Variants in HESX1 observed in about 807,000 individuals in gnomAD.
The protein encoded by HESX1 is homeobox expressed in ES cells 1.
A neutral mutation model predicts 22.5 loss-of-function variants in HESX1; 11 were observed. The ratio of observed to expected loss-of-function variants is 0.49; its 90% CI spans 0.31 to 0.81. The LOEUF (loss-of-function observed/expected upper bound fraction) is 0.81, where lower values mean the gene tolerates loss of function less well. Among genes scored for constraint, HESX1 ranks in the 30% least tolerant of loss-of-function variants. The pLI is 0.05. For synonymous variants in HESX1, 74 were observed against 76.5 expected (o/e 0.97, Z 0.17); for missense variants, 201 against 212.6 (o/e 0.95, Z 0.34).
intron 1 of HESX1, among the ~76,000 whole-genome samples, chr3:57,207,904 T>C (rs1422811686): frequency 6.6e-6 from 1 of 152,254 alleles, no homozygotes; most frequent in Non-Finnish European, 1.5e-5. Context: ...CTCACTGTTA[T>C]AAACATTTTA....
chr3:57,212,191 G>A (rs957122220), intron 1 of HESX1, among the ~76,000 whole-genome samples: 2 of 152,078 alleles, frequency 1.3e-5, no homozygotes, highest in Non-Finnish European at 2.9e-5. Flanking sequence ...ATAATGTCTT[G>A]TATATATCAA....
chr3:57,211,170 A>T (rs1248297244), intron 1 of HESX1, among the ~76,000 whole-genome samples: 1 of 147,342 alleles, frequency 6.8e-6, no homozygotes, highest in Non-Finnish European at 1.5e-5. Context: ...GTGAGCCAAG[A>T]TCGTGCCATT....
At chr3:57,215,496 C>T (rs998141184) in intron 1 of HESX1, among the ~76,000 whole-genome samples, 1 of 152,132 alleles carries the variant, frequency 6.6e-6, no homozygotes, top group Non-Finnish European at 1.5e-5. Context: ...TGGCCAGGCA[C>T]GGTGGCTCAC....
upstream of HESX1, among the ~76,000 whole-genome samples, chr3:57,201,547 A>C (rs2060486221): frequency 6.6e-6 from 1 of 151,272 alleles, no homozygotes; most frequent in Non-Finnish European, 1.5e-5. Context: ...TAGAGCTCAC[A>C]GTGGTGCAGG....
At chr3:57,212,378 G>A (rs898307995) in intron 1 of HESX1, among the ~76,000 whole-genome samples, 1 of 151,940 alleles carries the variant, frequency 6.6e-6, no homozygotes, top group Non-Finnish European at 1.5e-5. Flanking sequence ...GGCCAACGTG[G>A]TGAAACCCCG....
intron 1 of HESX1, among the ~76,000 whole-genome samples, chr3:57,212,226 T>C (rs991202117): frequency 3.3e-5 from 5 of 152,002 alleles, no homozygotes; most frequent in African/African-American, 1.2e-4. Flanking sequence ...AAATTTGATA[T>C]GAAGTCAACC....
At chr3:57,211,386 C>T (rs1169010588) in intron 1 of HESX1, among the ~76,000 whole-genome samples, 1 of 151,582 alleles carries the variant, frequency 6.6e-6, no homozygotes, top group Admixed American at 6.6e-5. Context: ...AACCTTCAGC[C>T]GGGCGTGGTA....
chr3:57,207,573 G>A (rs903335109), intron 1 of HESX1, among the ~76,000 whole-genome samples: 6 of 152,162 alleles, frequency 3.9e-5, no homozygotes, highest in African/African-American at 1.4e-4. Flanking sequence ...ATAAATGTCT[G>A]TCTTGTTGTT....
At chr3:57,218,562 G>A (rs2060596961) in intron 1 of HESX1, among the ~76,000 whole-genome samples, 1 of 150,138 alleles carries the variant, frequency 6.7e-6, no homozygotes, top group South Asian at 2.1e-4. Context: ...TCCTGCCTCA[G>A]CCTCCCAAGT....
intron 1 of HESX1, among the ~76,000 whole-genome samples, chr3:57,225,649 ATTT>A (rs1431899001): frequency 3.3e-5 from 5 of 150,724 alleles, no homozygotes; most frequent in Non-Finnish European, 7.4e-5. Flanking sequence ...AGCCTGTTTT[ATTT>A]TTTAACCAGC....
chr3:57,209,562 C>T (rs1047243446), intron 1 of HESX1, among the ~76,000 whole-genome samples: 13 of 150,904 alleles, frequency 8.6e-5, no homozygotes, highest in African/African-American at 2.7e-4. Flanking sequence ...GCTTGAACTC[C>T]GGAGGTGGAG....
At chr3:57,224,355 C>T (rs559651959) in intron 1 of HESX1, among the ~76,000 whole-genome samples, 1 of 152,024 alleles carries the variant, frequency 6.6e-6, no homozygotes, top group Non-Finnish European at 1.5e-5. Flanking sequence ...CCAGGCTAGT[C>T]TCAAACTCCA....
At position 57,198,429 on chromosome 3, in the gene HESX1, A is replaced by G; in HGVS notation, c.421T>C (p.Leu141=). ...CYPGIDIRED[L]AQKLNLEEDR... is the part of the protein sequence containing the mutation. ...TCCTCTAGATTCAATTTTTGAGCTA[A>G]GTCTTCTCTAATATCGATACCAGGA... Residue 141 remains leucine (L), a synonymous_variant, in exon 3 of 4, where the codon TTA becomes CTA. Coordinates refer to ENST00000295934, the MANE Select transcript of HESX1 (RefSeq NM_003865.3). 1 of 1,608,420 alleles carries G rather than the reference A, an allele frequency of 6.2e-7. No individual in the cohort carries two copies. The highest frequency in any genetic ancestry group is 8.5e-7 in the Non-Finnish European group (1 of 1,175,176).
intron 1 of HESX1, among the ~76,000 whole-genome samples, chr3:57,212,650 A>G (rs1390001637): frequency 6.6e-6 from 1 of 152,124 alleles, no homozygotes; most frequent in Non-Finnish European, 1.5e-5. Flanking sequence ...ATACAACAGT[A>G]CATGGAGAAA....
intron 1 of HESX1, among the ~76,000 whole-genome samples, chr3:57,213,595 C>T (rs1326487653): frequency 2.0e-5 from 3 of 152,214 alleles, no homozygotes; most frequent in Non-Finnish European, 4.4e-5. Context: ...TTATTTATAA[C>T]ATTGTTCCTG....
chr3:57,200,026 G>A (rs1379356027), upstream of HESX1: 2 of 962,560 alleles, frequency 2.1e-6, no homozygotes, highest in East Asian at 4.8e-5. Flanking sequence ...GCTGACAAGG[G>A]GGCTGGATTT....
At chr3:57,203,637 C>G (rs1281106000), upstream of HESX1, among the ~76,000 whole-genome samples, 2 of 152,182 alleles carry the variant, frequency 1.3e-5, no homozygotes, top group African/African-American at 2.4e-5. Flanking sequence ...TCACTGCAAC[C>G]TCTACCACCC....
In HESX1 at chr3:57,198,824, T is replaced by G. The variant is rs1170910497; in HGVS notation, c.286A>C (p.Arg96=). Residue 96 remains arginine (R), a synonymous_variant, in exon 2 of 4, where the codon AGA becomes CGA. Transcript: ENST00000295934. ...CTCAACTCTCTTTTCAAAGACAGTC[T>G]TTCTGAGGCTGAAAAGTAATTTTCA... ...KYENYFSASE[R]LSLKRELSWY... 6.2e-7 allele frequency: 1 copy of G among 1,614,064 alleles called. No individual in the cohort carries two copies. The highest frequency in any genetic ancestry group is 8.5e-7 in the Non-Finnish European group (1 of 1,180,030).
chr3:57,223,615 T>C (rs2107587249), intron 1 of HESX1, among the ~76,000 whole-genome samples: 1 of 152,282 alleles, frequency 6.6e-6, no homozygotes, highest in South Asian at 2.1e-4. Flanking sequence ...GTCCAAAGCT[T>C]CCCCCTACTC....
Sources: gnomAD v4.1 joint callset for allele counts (sites outside exome capture counted in the v4.1 genomes callset) on GRCh38, gnomAD v4.1.1 for gene constraint, MANE v1.5 for transcripts, NCBI Gene and HGNC (gene_info 2026-07-23, HGNC 2026-07-21) for gene names.